SLC4A10: variants seen among roughly 807,000 people sequenced by gnomAD.
SLC4A10 encodes sodium-driven chloride bicarbonate exchanger.
SLC4A10 carries 42 observed loss-of-function variants against 137.7 expected under a neutral mutation model. The observed-to-expected ratio is 0.30, with a 90% CI of 0.24 to 0.39. The LOEUF (loss-of-function observed/expected upper bound fraction) is 0.39, where lower values mean the gene tolerates loss of function less well. Among genes scored for constraint, SLC4A10 ranks in the 10% least tolerant of loss-of-function variants. The pLI is 1.00. For synonymous variants in SLC4A10, 474 were observed against 464.1 expected, an observed-to-expected ratio of 1.02 and a Z score of -0.27; for missense variants, 925 against 1,355.0, an observed-to-expected ratio of 0.68 and a Z score of 4.98.
At chr2:161,737,915 C>T (rs1052320978) in intron 1 of SLC4A10, among the ~76,000 whole-genome samples, 1 of 152,122 alleles carries the variant, frequency 6.6e-6, no homozygotes, top group African/African-American at 2.4e-5. Flanking sequence ...TTTCTGAAAG[C>T]CAGAGTTGGC....
At chr2:161,960,293 G>A (rs1352455532) in intron 21 of SLC4A10, among the ~76,000 whole-genome samples, 1 of 151,016 alleles carries the variant, frequency 6.6e-6, no homozygotes. Flanking sequence ...GAACCTGGGA[G>A]GCGGAGGTTG....
At position 161,836,237 on chromosome 2, in the gene SLC4A10, C is replaced by A. The variant is rs2058757106; in HGVS notation, c.278-3552C>A. 2.0e-5 allele frequency among the ~76,000 whole-genome samples: 3 copies of A among 152,150 alleles called. No homozygotes were observed. In the South Asian group the frequency reaches 6.2e-4, roughly 31 times the overall value. ...TTGAAGACAGTTGTGGTGGCTCATG[C>A]CTGTAATCCCAGCACTTTGGGAGGC... is the stretch of plus-strand genomic sequence containing the variant. On this transcript the variant is annotated intron_variant, in intron 3 of 26. Transcript: ENST00000446997.
intron 1 of SLC4A10, among the ~76,000 whole-genome samples, chr2:161,682,572 C>A (rs1252649773): frequency 6.6e-6 from 1 of 152,042 alleles, no homozygotes; most frequent in Non-Finnish European, 1.5e-5. Flanking sequence ...TGACACACCA[C>A]CCTAAAAGTA....
At chr2:161,734,160 T>A (rs1377610945) in intron 1 of SLC4A10, among the ~76,000 whole-genome samples, 1 of 152,110 alleles carries the variant, frequency 6.6e-6, no homozygotes, top group African/African-American at 2.4e-5. Context: ...AAGGCATGAT[T>A]GGTTTTGAAA....
At chr2:161,936,638 T>G (rs182615756) in intron 15 of SLC4A10, among the ~76,000 whole-genome samples, 1 of 152,174 alleles carries the variant, frequency 6.6e-6, no homozygotes, top group Non-Finnish European at 1.5e-5. Context: ...TGTCTCCTCT[T>G]TCATTTCTGA....
At position 161,657,540 on chromosome 2, in the gene SLC4A10, GATT is replaced by G. The variant is rs952276607; in HGVS notation, c.48+32987_48+32989del. On this transcript the variant is annotated intron_variant, in intron 1 of 26. Transcript: ENST00000446997. ...AAGAATAAATAAAAGATTTCATCAG[GATT>G]ATTATTATTATTTTTTTAACAATGA... Among the ~76,000 whole-genome samples the G allele has an allele frequency of 2.1e-4, 32 of 151,782 alleles. 1 individual carries two copies. In the Middle Eastern group the frequency reaches 0.01, roughly 49 times the overall value.
chr2:161,725,973 A>G (rs1391443066), intron 1 of SLC4A10, among the ~76,000 whole-genome samples: 1 of 152,250 alleles, frequency 6.6e-6, no homozygotes, highest in African/African-American at 2.4e-5. Context: ...CTCCCTTAGA[A>G]TGTGAAATCT....
At chr2:161,958,359 C>T in intron 20 of SLC4A10, 128 bp from the exon 21 acceptor site, 1 of 677,912 alleles carries the variant, frequency 1.5e-6, no homozygotes, top group South Asian at 1.9e-5. Flanking sequence ...GAATCCTTGT[C>T]TTCTGAATCT....
At chr2:161,865,182 G>C (rs989590060) in intron 6 of SLC4A10, among the ~76,000 whole-genome samples, 1 of 151,640 alleles carries the variant, frequency 6.6e-6, no homozygotes, top group Non-Finnish European at 1.5e-5. Flanking sequence ...TTTCAGGCAA[G>C]AGACTACAGA....
At chr2:161,653,620 T>G (rs1404966528) in intron 1 of SLC4A10, among the ~76,000 whole-genome samples, 1 of 152,216 alleles carries the variant, frequency 6.6e-6, no homozygotes, top group Non-Finnish European at 1.5e-5. Flanking sequence ...TTTAAATATC[T>G]TATATAAGTG....
intron 2 of SLC4A10, among the ~76,000 whole-genome samples, chr2:161,793,626 T>A (rs1574996041): frequency 6.6e-6 from 1 of 152,284 alleles, no homozygotes; most frequent in East Asian, 1.9e-4. Flanking sequence ...CTCTTCTTAA[T>A]GCGTTTCAGG....
chr2:161,826,737 A>G (rs2058044882), intron 3 of SLC4A10, among the ~76,000 whole-genome samples: 1 of 152,170 alleles, frequency 6.6e-6, no homozygotes, highest in South Asian at 2.1e-4. Context: ...TGATTTTCTT[A>G]ACTAATTATT....
At chr2:161,864,878 G>GT (rs1469527871) in intron 6 of SLC4A10, among the ~76,000 whole-genome samples, 1 of 151,988 alleles carries the variant, frequency 6.6e-6, no homozygotes, top group Admixed American at 6.6e-5. Flanking sequence ...TATTTATTTG[G>GT]TATGGTAGTG....
intron 4 of SLC4A10, among the ~76,000 whole-genome samples, chr2:161,842,036 G>A (rs1443056274): frequency 1.3e-5 from 2 of 152,186 alleles, no homozygotes; most frequent in South Asian, 2.1e-4. Flanking sequence ...TTTGATGATT[G>A]CATTGCATTC....
chr2:161,756,370 G>C (rs1250804509), intron 1 of SLC4A10, among the ~76,000 whole-genome samples: 1 of 152,174 alleles, frequency 6.6e-6, no homozygotes, highest in Non-Finnish European at 1.5e-5. Context: ...TAGAAAGTAT[G>C]ATTTTTGAGA....
chr2:161,945,872 G>T lies in SLC4A10; in HGVS notation c.2104-1694G>T, dbSNP rs146690407. Among the ~76,000 whole-genome samples, 39 of 151,956 alleles carry T rather than the reference G, an allele frequency of 2.6e-4. 1 individual carries two copies. In the East Asian group the frequency reaches 7.5e-3, roughly 29 times the overall value. ...TCTTAAGAATTGAGAACAAGATCCC[G>T]CCAAATGACTTTTATACCTGCAGAA... On this transcript the variant is annotated intron_variant, in intron 16 of 26. Transcript: ENST00000446997.
At chr2:161,639,050 G>C (rs755138190) in intron 1 of SLC4A10, among the ~76,000 whole-genome samples, 1 of 151,914 alleles carries the variant, frequency 6.6e-6, no homozygotes, top group Non-Finnish European at 1.5e-5. Context: ...TAAGTTCCTA[G>C]AAACATACAA....
chr2:161,769,933 C>A (rs1270132015), intron 1 of SLC4A10, among the ~76,000 whole-genome samples: 1 of 149,022 alleles, frequency 6.7e-6, no homozygotes, highest in African/African-American at 2.4e-5. Context: ...TCTGATGCTC[C>A]AATGTAGTTG....
At position 161,768,803 on chromosome 2, in the gene SLC4A10, G is replaced by A. The variant is rs971824425; in HGVS notation, c.49-2170G>A. ...TTTAGTGATTATGTGCTGTCTTTTG[G>A]CCCCTGTCCTGCCTGGGATCTAATT... On this transcript the variant is annotated intron_variant, in intron 1 of 26. Transcript: ENST00000446997. Among the ~76,000 whole-genome samples, 3 of 151,778 alleles carry A rather than the reference G, an allele frequency of 2.0e-5. No individual in the cohort carries two copies. In the East Asian group the frequency reaches 5.8e-4, roughly 29 times the overall value.
Sources: gnomAD v4.1 joint callset for allele counts (sites outside exome capture counted in the v4.1 genomes callset) on GRCh38, gnomAD v4.1.1 for gene constraint, MANE v1.5 for transcripts, NCBI Gene and HGNC (gene_info 2026-07-23, HGNC 2026-07-21) for gene names.